Variants in HMCN1 observed in about 807,000 individuals in gnomAD.
HMCN1 encodes hemicentin-1.
A neutral mutation model predicts 625.9 loss-of-function variants in HMCN1; 321 were observed. The observed-to-expected ratio is 0.51, with a 90% CI of 0.47 to 0.56. HMCN1 has a LOEUF of 0.56. Among genes scored for constraint, HMCN1 ranks in the 20% least tolerant of loss-of-function variants. The probability of loss-of-function intolerance (pLI) is 0.00; values close to 1 mark genes in which losing one functional copy is unlikely to be tolerated. For synonymous variants in HMCN1, 2,425 were observed against 2,417.6 expected, an observed-to-expected ratio of 1.00 and a Z score of -0.09; for missense variants, 6,588 against 6,887.3, an observed-to-expected ratio of 0.96 and a Z score of 1.54.
chr1:185,887,946 T>C (rs1276029992), intron 4 of HMCN1, among the ~76,000 whole-genome samples: 1 of 143,058 alleles, frequency 7.0e-6, no homozygotes, highest in East Asian at 2.0e-4. Context: ...TGTTCCTATT[T>C]CTCCACATCC....
Position 186,174,589 on chromosome 1 carries a change from G to A in HMCN1, c.15890G>A (p.Arg5297His), listed in dbSNP as rs138984150. The stretch of plus-strand genomic sequence containing the variant: ...TGTGAGAATACAAGAGGCAGCTATC[G>A]TTGTGTATGCCCAAGAGGTTATCGG... ...QICENTRGSY[R>H]CVCPRGYRSQ... The change falls in exon 103 of 107, where the codon CGT becomes CAT. Residue 5297 changes from arginine to histidine, a missense_variant. Transcript: ENST00000271588. The A allele has an allele frequency of 5.0e-5, 80 of 1,613,808 alleles. No individual in the cohort carries two copies. The highest frequency in any genetic ancestry group is 3.3e-4 in the Middle Eastern group (2 of 6,078).
intron 17 of HMCN1, 37 bp from the exon 18 acceptor site, chr1:185,982,225 A>C (rs1394628287): frequency 1.2e-6 from 2 of 1,611,612 alleles, no homozygotes; most frequent in Non-Finnish European, 1.7e-6. Context: ...TTTGGGTGAA[A>C]TAGAGTTGAA....
intron 39 of HMCN1, among the ~76,000 whole-genome samples, chr1:186,040,252 A>C (rs1304432988): frequency 6.6e-6 from 1 of 152,132 alleles, no homozygotes; most frequent in African/African-American, 2.4e-5. Flanking sequence ...AATGTCTTGA[A>C]ATAGTAATGA....
chr1:185,978,122 G>C, intron 16 of HMCN1, 141 bp downstream of exon 16: 1 of 630,236 alleles, frequency 1.6e-6, no homozygotes, highest in Non-Finnish European at 2.7e-6. Context: ...CTTTGAAATA[G>C]TACTGGCATT....
At chr1:185,909,604 A>T in intron 5 of HMCN1, 96 bp downstream of exon 5, 1 of 1,054,986 alleles carries the variant, frequency 9.5e-7, no homozygotes. Flanking sequence ...TGCCAACTTC[A>T]TGAATAAATT....
Position 186,070,769 on chromosome 1 carries a change from C to T in HMCN1, c.8139+12C>T. On this transcript the variant is annotated intron_variant, in intron 52 of 106. Transcript: ENST00000271588. ...ACAAGGATGGACAGGCCAGTCACAACTTTTTTCATTTGCTGATGATTTCTT... is the reference window on the plus strand; with the variant it reads ...ACAAGGATGGACAGGCCAGTCACAATTTTTTTCATTTGCTGATGATTTCTT... 1.2e-6 allele frequency: 2 copies of T among 1,613,386 alleles called. No individual in the cohort carries two copies. Among genetic ancestry groups the T allele is most frequent in the Non-Finnish European group, 1.7e-6 (2 of 1,179,548 alleles).
intron 36 of HMCN1, among the ~76,000 whole-genome samples, chr1:186,033,616 T>A (rs1426249399): frequency 2.7e-5 from 4 of 145,522 alleles, no homozygotes; most frequent in African/African-American, 1.0e-4. Flanking sequence ...TTAAAAAAAA[T>A]TTCCCATCCG....
intron 1 of HMCN1, among the ~76,000 whole-genome samples, chr1:185,779,228 T>C (rs968527423): frequency 6.6e-6 from 1 of 152,232 alleles, no homozygotes; most frequent in Non-Finnish European, 1.5e-5. Flanking sequence ...TTGAGTTCTT[T>C]GTAGATTCTG....
chr1:186,157,512 T>C (rs912156759), intron 97 of HMCN1, among the ~76,000 whole-genome samples: 2 of 152,156 alleles, frequency 1.3e-5, no homozygotes, highest in Non-Finnish European at 2.9e-5. Flanking sequence ...ATACTTTAAA[T>C]TTTAGGGTAC....
chr1:186,079,158 T>C (rs12736863), intron 55 of HMCN1, among the ~76,000 whole-genome samples: 3,801 of 151,816 alleles, frequency 0.025, 162 homozygotes, highest in African/African-American at 0.087. Flanking sequence ...TCTCTCACAC[T>C]AGCTCTCTTA....
At chr1:185,963,640 T>G (rs1650189601) in intron 12 of HMCN1, 128 bp from the exon 13 acceptor site, 1 of 690,372 alleles carries the variant, frequency 1.4e-6, no homozygotes, top group Non-Finnish European at 2.6e-6. Flanking sequence ...TGGTAACCAT[T>G]TCTGCAATCG....
intron 4 of HMCN1, among the ~76,000 whole-genome samples, chr1:185,880,057 T>A (rs983682302): frequency 6.6e-6 from 1 of 152,176 alleles, no homozygotes; most frequent in Non-Finnish European, 1.5e-5. Flanking sequence ...CTGGGTTCAA[T>A]CTCTAAGATA....
In HMCN1 at chr1:186,145,774, G is replaced by C. The variant is rs1650279371; in HGVS notation, c.14459G>C (p.Trp4820Ser). 6.2e-7 allele frequency: 1 copy of C among 1,614,030 alleles called. No homozygotes were observed. The highest frequency in any genetic ancestry group is 1.7e-5 in the Admixed American group (1 of 60,006). Residue 4820 changes from tryptophan to serine, a missense_variant, in exon 93 of 107, where the codon TGG (tryptophan) becomes TCG (serine). This residue lies in a region of HMCN1 where 1,954 missense variants were observed against 2,013.1 expected (regional missense o/e 0.97). Coordinates refer to ENST00000271588, the MANE Select transcript of HMCN1 (RefSeq NM_031935.3). ...ACAGTGGATGGAAGTTGGGGAAGCT[G>C]GCATAGTTGGAGCCAGTGCTCTGCC... ...MCPVDGSWGS[W>S]HSWSQCSASC...
At position 186,003,720 on chromosome 1, in the gene HMCN1, C is replaced by G. The variant is rs2102075354; in HGVS notation, c.4351C>G (p.Pro1451Ala). 1.2e-6 allele frequency: 2 copies of G among 1,613,128 alleles called. No homozygotes were observed. The highest frequency in any genetic ancestry group is 4.5e-5 in the East Asian group (2 of 44,820). Reference sequence around the variant, plus strand: ...ATAATACACTGTCTTTGTTCAAGTTCCACCCACCATAATAGGTACCAACTT... The same window carrying G: ...ATAATACACTGTCTTTGTTCAAGTTGCACCCACCATAATAGGTACCAACTT... Reference protein sequence around the residue: ...QKYFNIDVLVPPTIIGTNFPN... With the variant: ...QKYFNIDVLVAPTIIGTNFPN... Residue 1451 changes from proline (P) to alanine (A), a missense_variant and splice_region_variant, in exon 29 of 107, where the codon CCA (proline) becomes GCA (alanine). Transcript: ENST00000271588.
chr1:185,983,418 T>A (rs1188684827), intron 18 of HMCN1, among the ~76,000 whole-genome samples: 1 of 151,780 alleles, frequency 6.6e-6, no homozygotes, highest in Admixed American at 6.6e-5. Flanking sequence ...AGAGCAAGAC[T>A]CCGTCTCAAA....
chr1:185,894,687 G>C (rs985585134), intron 4 of HMCN1, among the ~76,000 whole-genome samples: 11 of 152,136 alleles, frequency 7.2e-5, no homozygotes, highest in Non-Finnish European at 1.5e-5. Flanking sequence ...AGCCATTCTA[G>C]TAGATGTGTA....
Position 186,079,288 on chromosome 1 carries a change from C to T in HMCN1, c.8599+1068C>T, listed in dbSNP as rs549060536. On this transcript the variant is annotated intron_variant, in intron 55 of 106. Transcript: ENST00000271588. Reference sequence around the variant, plus strand: ...CAGCTCTCTCTTGCAGTGTTAGCAGCTTAACTCTTTCTCTCTGGGGACGAG... The same window carrying T: ...CAGCTCTCTCTTGCAGTGTTAGCAGTTTAACTCTTTCTCTCTGGGGACGAG... Among the ~76,000 whole-genome samples, 18 of 152,274 alleles carry T rather than the reference C, an allele frequency of 1.2e-4. No individual in the cohort carries two copies. In the East Asian group the frequency reaches 3.3e-3, roughly 28 times the overall value.
rs1653205306 is a variant in HMCN1, at chr1:186,001,612, A to G, written c.4219A>G (p.Ile1407Val). The G allele has an allele frequency of 1.9e-6, 3 of 1,613,104 alleles. No homozygotes were observed. Among genetic ancestry groups the G allele is most frequent in the African/African-American group, 1.3e-5 (1 of 74,874 alleles). The change falls in exon 28 of 107, where the codon ATT becomes GTT. Residue 1407 changes from isoleucine (I) to valine (V), a missense_variant. Around this residue, in one of 3 missense-constraint regions of HMCN1, gnomAD observed 4,628 missense variants for 4,853.1 expected, o/e 0.95. Transcript: ENST00000271588. ...CTTAAAGGTGACTGAAAGCAGCACTATTCAGACTGTGAACAATGGGAAGAT... is the reference window on the plus strand; with the variant it reads ...CTTAAAGGTGACTGAAAGCAGCACTGTTCAGACTGTGAACAATGGGAAGAT... ...DNVQVTESST[I>V]QTVNNGKILK...
chr1:186,097,899 C>T (rs1660207773), intron 68 of HMCN1, among the ~76,000 whole-genome samples: 1 of 152,072 alleles, frequency 6.6e-6, no homozygotes, highest in Non-Finnish European at 1.5e-5. Context: ...TAAATTCATG[C>T]ATCTACAGCC....
Sources: allele counts gnomAD v4.1 joint callset (sites outside exome capture counted in the v4.1 genomes callset), GRCh38; gene constraint gnomAD v4.1.1; regional missense constraint gnomAD v4.1.1; transcripts MANE v1.5; gene names NCBI Gene and HGNC (gene_info 2026-07-23, HGNC 2026-07-21).